Variants in TP63 observed in about 807,000 individuals in gnomAD.
TP63 encodes tumor protein p63.
A neutral mutation model predicts 82.8 loss-of-function variants in TP63; 17 were observed. The ratio of observed to expected loss-of-function variants is 0.21; its 90% CI spans 0.14 to 0.31. The LOEUF is 0.31. Ranked by LOEUF, TP63 falls within the 10% of genes least tolerant of loss-of-function variation. The probability of loss-of-function intolerance (pLI) is 1.00; values close to 1 mark genes in which losing one functional copy is unlikely to be tolerated. For synonymous variants in TP63, 330 were observed against 321.7 expected (o/e 1.03, Z -0.28); for missense variants, 648 against 895.3 (o/e 0.72, Z 3.52).
At chr3:189,675,956 A>G (rs6780531) in intron 1 of TP63, among the ~76,000 whole-genome samples, 103,657 of 138,756 alleles carry the variant, frequency 0.75, 35,777 homozygotes, top group Non-Finnish European at 0.79. Flanking sequence ...ACACACATTC[A>G]TTAAAAAGAA....
intron 3 of TP63, among the ~76,000 whole-genome samples, chr3:189,758,238 C>T (rs1722328746): frequency 6.6e-6 from 1 of 152,142 alleles, no homozygotes; most frequent in Admixed American, 6.5e-5. Flanking sequence ...GGATCTAATG[C>T]CCCCGCTGAT....
intron 1 of TP63, among the ~76,000 whole-genome samples, chr3:189,672,527 G>C (rs1714977759): frequency 6.6e-6 from 1 of 151,790 alleles, no homozygotes; most frequent in Admixed American, 6.6e-5. Context: ...ACTTGAACCT[G>C]GCAGGGGAAG....
intron 1 of TP63, among the ~76,000 whole-genome samples, chr3:189,658,861 A>C (rs1045220693): frequency 6.6e-6 from 1 of 152,026 alleles, no homozygotes; most frequent in Non-Finnish European, 1.5e-5. Flanking sequence ...CAGTTGGTAG[A>C]GAATGAGACT....
chr3:189,872,851 T>G lies in TP63; in HGVS notation c.1213-8T>G, dbSNP rs1718600892. 3.7e-6 allele frequency: 6 copies of G among 1,614,186 alleles called. No individual in the cohort carries two copies. Among genetic ancestry groups the G allele is most frequent in the Non-Finnish European group, 5.1e-6 (6 of 1,180,006 alleles). On this transcript the variant is annotated splice_region_variant and splice_polypyrimidine_tract_variant and intron_variant, in intron 9 of 13. Coordinates refer to ENST00000264731, the MANE Select transcript of TP63 (RefSeq NM_003722.5). ...TGTTTCCTTCTTTCCTTCTGCTCAC[T>G]TCCATAGGTGAGGGGCCGTGAGACT...
intron 4 of TP63, among the ~76,000 whole-genome samples, chr3:189,863,705 G>A (rs9820129): frequency 0.22 from 33,351 of 151,880 alleles, 6,200 homozygotes; most frequent in African/African-American, 0.51. Flanking sequence ...GCGATCTGAC[G>A]TCAGGCGAAA....
At chr3:189,604,995 T>C in the TP63 span, among the ~76,000 whole-genome samples, 1 of 152,196 alleles carries the variant, frequency 6.6e-6, no homozygotes, top group African/African-American at 2.4e-5. Context: ...ATTGTGCCAA[T>C]GACAAGGTTC....
At chr3:189,788,828 C>T (rs1724832105) in intron 3 of TP63, among the ~76,000 whole-genome samples, 1 of 151,516 alleles carries the variant, frequency 6.6e-6, no homozygotes, top group Non-Finnish European at 1.5e-5. Flanking sequence ...TACATAGATG[C>T]ATCACGTGCA....
At chr3:189,806,769 C>CAGTGG (rs1726960722) in intron 3 of TP63, among the ~76,000 whole-genome samples, 1 of 151,920 alleles carries the variant, frequency 6.6e-6, no homozygotes, top group Non-Finnish European at 1.5e-5. Context: ...TGGCATTCGG[C>CAGTGG]AGTGGAATGC....
intron 4 of TP63, among the ~76,000 whole-genome samples, chr3:189,809,807 C>T (rs1034601591): frequency 6.6e-6 from 1 of 152,148 alleles, no homozygotes; most frequent in Non-Finnish European, 1.5e-5. Flanking sequence ...CACCTCATTT[C>T]TTTGTGAAGT....
chr3:189,678,712 A>C (rs146244445), intron 1 of TP63, among the ~76,000 whole-genome samples: 1 of 152,168 alleles, frequency 6.6e-6, no homozygotes, highest in Non-Finnish European at 1.5e-5. Context: ...CTTCTAATCC[A>C]TGAGCATGTG....
chr3:189,611,501 A>G, the TP63 span, among the ~76,000 whole-genome samples: 2 of 152,020 alleles, frequency 1.3e-5, no homozygotes, highest in African/African-American at 4.8e-5. Context: ...CCATTGGTCT[A>G]TGTGTCTGTT....
At chr3:189,785,813 A>G (rs1576950369) in intron 3 of TP63, among the ~76,000 whole-genome samples, 1 of 152,172 alleles carries the variant, frequency 6.6e-6, no homozygotes, top group East Asian at 1.9e-4. Context: ...TTTAGGAAAG[A>G]TGAAGTTATA....
intron 3 of TP63, among the ~76,000 whole-genome samples, chr3:189,745,042 C>T (rs1721265379): frequency 6.6e-6 from 1 of 152,186 alleles, no homozygotes; most frequent in African/African-American, 2.4e-5. Flanking sequence ...ACAGAGGCTA[C>T]AGGACAGTAT....
At chr3:189,721,429 C>T (rs958500804) in intron 1 of TP63, among the ~76,000 whole-genome samples, 1 of 150,852 alleles carries the variant, frequency 6.6e-6, no homozygotes, top group African/African-American at 2.4e-5. Flanking sequence ...AGTTACCTGG[C>T]TAGTTAGGGC....
At chr3:189,798,361 A>G (rs1289036256) in intron 3 of TP63, among the ~76,000 whole-genome samples, 1 of 152,074 alleles carries the variant, frequency 6.6e-6, no homozygotes, top group Non-Finnish European at 1.5e-5. Flanking sequence ...AATAAGCCCA[A>G]TATTATTTCC....
chr3:189,774,175 G>A (rs573908771), intron 3 of TP63, among the ~76,000 whole-genome samples: 290 of 152,176 alleles, frequency 1.9e-3, no homozygotes, highest in South Asian at 3.7e-3. Flanking sequence ...GCCCGCCTCG[G>A]CCTCCCAAAG....
intron 3 of TP63, among the ~76,000 whole-genome samples, chr3:189,770,451 G>C (rs950581343): frequency 6.6e-6 from 1 of 151,952 alleles, no homozygotes; most frequent in Non-Finnish European, 1.5e-5. Context: ...CATAATCCCA[G>C]CTGCTCGGGG....
the TP63 span, among the ~76,000 whole-genome samples, chr3:189,619,024 ATGTGGACTTATT>A: frequency 3.3e-5 from 5 of 152,186 alleles, no homozygotes; most frequent in Admixed American, 3.3e-4. Flanking sequence ...ACTGTTTCCT[ATGTGGACTTATT>A]TTTTAGTCCC....
chr3:189,809,036 AAATT>A (rs1222049394), intron 4 of TP63, among the ~76,000 whole-genome samples: 1 of 152,184 alleles, frequency 6.6e-6, no homozygotes, highest in Non-Finnish European at 1.5e-5. Flanking sequence ...AGGTATCAAT[AAATT>A]ATAATTTATC....
Sources: gnomAD v4.1 joint callset for allele counts (sites outside exome capture counted in the v4.1 genomes callset) on GRCh38, gnomAD v4.1.1 for gene constraint, MANE v1.5 for transcripts, NCBI Gene and HGNC (gene_info 2026-07-23, HGNC 2026-07-21) for gene names.